ARHGAP26: variants seen among roughly 807,000 people sequenced by gnomAD.
ARHGAP26 encodes the protein Rho GTPase activating protein 26, also known as rho GTPase-activating protein 26.
In ARHGAP26, 38 loss-of-function variants were observed where a neutral mutation model predicts 104.8. That is an observed-to-expected ratio of 0.36 (90% CI 0.28 to 0.48). The LOEUF (loss-of-function observed/expected upper bound fraction) is 0.48, where lower values mean the gene tolerates loss of function less well. Among genes scored for constraint, ARHGAP26 ranks in the 20% least tolerant of loss-of-function variants. The pLI is 0.99. For synonymous variants in ARHGAP26, 341 were observed against 340.0 expected (o/e 1.00, Z -0.03); for missense variants, 704 against 947.9 (o/e 0.74, Z 3.38).
At chr5:143,126,486 A>G (rs970733681) in intron 18 of ARHGAP26, among the ~76,000 whole-genome samples, 1 of 152,252 alleles carries the variant, frequency 6.6e-6, no homozygotes, top group African/African-American at 2.4e-5. Context: ...AGCTGAACCA[A>G]ATAGTACTTT....
intron 17 of ARHGAP26, among the ~76,000 whole-genome samples, chr5:143,091,897 T>C (rs889826885): frequency 2.6e-5 from 4 of 152,218 alleles, no homozygotes; most frequent in Non-Finnish European, 5.9e-5. Context: ...AAACAAAATA[T>C]ATATTTTTAA....
chr5:143,222,266 CA>C lies in ARHGAP26; in HGVS notation c.2192-91del, dbSNP rs1811284766. On this transcript the variant is annotated intron_variant, in intron 22 of 22. Coordinates refer to ENST00000645722, the MANE Select transcript of ARHGAP26 (RefSeq NM_001135608.3). ...CTTCATACACACACACACACACACA[CA>C]CACACACACACACACACCCCACACA... 1.7e-5 allele frequency: 12 copies of C among 698,108 alleles called. No individual in the cohort carries two copies. The South Asian group carries it at 3.3e-4, about 19-fold the overall frequency. The allele number at this position is 698,108 out of a possible 1,614,324, so 43.2% of individuals were successfully genotyped here.
chr5:143,100,669 T>C (rs934726565), intron 17 of ARHGAP26, among the ~76,000 whole-genome samples: 14 of 152,380 alleles, frequency 9.2e-5, no homozygotes, highest in South Asian at 4.1e-4. Context: ...GCAGTCTCCT[T>C]AGGGACTCTG....
intron 12 of ARHGAP26, among the ~76,000 whole-genome samples, chr5:143,022,531 GT>G (rs1220055986): frequency 6.6e-6 from 1 of 152,194 alleles, no homozygotes; most frequent in South Asian, 2.1e-4. Context: ...AGGTGTGGGT[GT>G]TTTCCAGTAA....
At chr5:143,167,052 G>A (rs1468993908) in intron 20 of ARHGAP26, among the ~76,000 whole-genome samples, 2 of 152,106 alleles carry the variant, frequency 1.3e-5, no homozygotes, top group African/African-American at 2.4e-5. Flanking sequence ...AGCTTCTTTG[G>A]TCACAACTGT....
At chr5:143,088,832 T>C (rs867830703) in intron 17 of ARHGAP26, among the ~76,000 whole-genome samples, 8 of 152,086 alleles carry the variant, frequency 5.3e-5, no homozygotes, top group Admixed American at 1.3e-4. Context: ...CAAATTCCGA[T>C]TGGCTAATTT....
At chr5:143,102,193 T>G (rs970043169) in intron 17 of ARHGAP26, among the ~76,000 whole-genome samples, 5 of 152,162 alleles carry the variant, frequency 3.3e-5, no homozygotes. Context: ...CGCGCCTGGC[T>G]GGGGAGACTG....
chr5:143,192,902 G>A (rs932856428), intron 20 of ARHGAP26, among the ~76,000 whole-genome samples: 2 of 152,024 alleles, frequency 1.3e-5, no homozygotes, highest in African/African-American at 4.8e-5. Flanking sequence ...GTCACCCTAA[G>A]CCAATACATT....
intron 1 of ARHGAP26, among the ~76,000 whole-genome samples, chr5:142,870,110 G>A (rs533866586): frequency 6.6e-6 from 1 of 152,274 alleles, no homozygotes; most frequent in South Asian, 2.1e-4. Context: ...GCTCCTTGCT[G>A]TGTCTTGCAC....
chr5:142,861,694 GTGTT>G (rs1753383457), intron 1 of ARHGAP26, among the ~76,000 whole-genome samples: 1 of 152,306 alleles, frequency 6.6e-6, no homozygotes, highest in East Asian at 1.9e-4. Context: ...GGTTTATTGA[GTGTT>G]TGCTGCCGGC....
At chr5:143,134,976 C>A (rs1443963852) in intron 19 of ARHGAP26, among the ~76,000 whole-genome samples, 47 of 152,264 alleles carry the variant, frequency 3.1e-4, no homozygotes, top group Non-Finnish European at 5.9e-5. Flanking sequence ...TTCATTCATG[C>A]AGCTGACGTT....
At chr5:142,957,788 A>C (rs997686918) in intron 11 of ARHGAP26, among the ~76,000 whole-genome samples, 1 of 152,250 alleles carries the variant, frequency 6.6e-6, no homozygotes, top group African/African-American at 2.4e-5. Context: ...AATGGCAAGG[A>C]AAACTTCTGC....
At chr5:143,195,215 C>T (rs1409811383) in intron 20 of ARHGAP26, among the ~76,000 whole-genome samples, 2 of 152,160 alleles carry the variant, frequency 1.3e-5, no homozygotes, top group African/African-American at 2.4e-5. Context: ...ACTTAATCAT[C>T]CTGGACATTG....
rs1449431477 is a variant in ARHGAP26 at position 143,227,130 on chromosome 5, A to T, written c.*4684A>T. The T allele has an allele frequency of 4.3e-6, 1 of 230,110 alleles. No individual in the cohort carries two copies. The highest frequency in any genetic ancestry group is 8.6e-6 in the Non-Finnish European group (1 of 116,208). 14.3% of individuals were successfully genotyped at this position (230,110 alleles called of 1,614,324 possible). A position where few individuals can be genotyped will look rare whatever the true frequency, so the allele number is the denominator to read the frequency against. On this transcript the variant is annotated 3_prime_UTR_variant, in exon 23 of 23. Transcript: ENST00000645722. Reference sequence around the variant, plus strand: ...CTTCTGCTCCCAAAAGCAAGTCTGGATGACTGAGTTTTGTGGACATGGCAC... The same window carrying T: ...CTTCTGCTCCCAAAAGCAAGTCTGGTTGACTGAGTTTTGTGGACATGGCAC...
chr5:143,040,924 T>C (rs932267732), intron 13 of ARHGAP26, among the ~76,000 whole-genome samples: 2 of 152,218 alleles, frequency 1.3e-5, no homozygotes, highest in Admixed American at 1.3e-4. Flanking sequence ...CTAAGTGCAA[T>C]GGGAAGCTAT....
chr5:143,039,546 A>G, intron 13 of ARHGAP26, among the ~76,000 whole-genome samples: 1 of 151,742 alleles, frequency 6.6e-6, no homozygotes, highest in African/African-American at 2.4e-5. Flanking sequence ...TTTTAAATTT[A>G]AAAGAAAAGA....
At chr5:143,175,308 G>A (rs2151153180) in intron 20 of ARHGAP26, among the ~76,000 whole-genome samples, 1 of 152,294 alleles carries the variant, frequency 6.6e-6, no homozygotes, top group Admixed American at 6.5e-5. Flanking sequence ...CTCATGAGAA[G>A]CATAAGCAAA....
At chr5:143,043,320 ATTGT>A (rs1783746660) in intron 14 of ARHGAP26, among the ~76,000 whole-genome samples, 1 of 152,176 alleles carries the variant, frequency 6.6e-6, no homozygotes, top group South Asian at 2.1e-4. Context: ...TGGGATTGGC[ATTGT>A]TTTTCAATCA....
intron 20 of ARHGAP26, among the ~76,000 whole-genome samples, chr5:143,158,922 G>A (rs1800848147): frequency 1.3e-5 from 2 of 152,234 alleles, no homozygotes; most frequent in Admixed American, 6.5e-5. Flanking sequence ...CAAGGTTGAT[G>A]TATTAGGATC....
Sources: gnomAD v4.1 joint callset for allele counts (sites outside exome capture counted in the v4.1 genomes callset) on GRCh38, gnomAD v4.1.1 for gene constraint, MANE v1.5 for transcripts, NCBI Gene and HGNC (gene_info 2026-07-23, HGNC 2026-07-21) for gene names.